The following IL1R1 variants were observed in gnomAD, a reference collection of about 807,000 sequenced individuals.
IL1R1 encodes the protein interleukin-1 receptor type 1.
Under a neutral mutation model 50.2 loss-of-function variants are expected in IL1R1, and 22 were observed. The observed-to-expected ratio is 0.44, with a 90% CI of 0.31 to 0.63. IL1R1 has a LOEUF of 0.63. Among genes scored for constraint, IL1R1 ranks in the 20% least tolerant of loss-of-function variants. The probability of loss-of-function intolerance (pLI) is 0.07; values close to 1 mark genes in which losing one functional copy is unlikely to be tolerated. For missense variants in IL1R1, 509 were observed against 676.2 expected (o/e 0.75, Z 2.74); for synonymous variants, 251 against 236.7 (o/e 1.06, Z -0.55).
At chr2:102,102,831 A>C (rs748977494), upstream of IL1R1, among the ~76,000 whole-genome samples, 2 of 152,224 alleles carry the variant, frequency 1.3e-5, no homozygotes, top group African/African-American at 2.4e-5. Context: ...AAAAAGAACA[A>C]GATCATGTCT....
At chr2:102,145,466 C>T (rs1308991554) in intron 1 of IL1R1, among the ~76,000 whole-genome samples, 8 of 152,168 alleles carry the variant, frequency 5.3e-5, no homozygotes, top group Admixed American at 2.6e-4. Flanking sequence ...AGGTCCCAGT[C>T]GCCTGCATGT....
At chr2:102,163,643 A>G (rs1281579353) in intron 3 of IL1R1, among the ~76,000 whole-genome samples, 2 of 152,036 alleles carry the variant, frequency 1.3e-5, no homozygotes, top group East Asian at 1.9e-4. Context: ...GTAATAAACT[A>G]TTTTAATTTT....
intron 1 of IL1R1, among the ~76,000 whole-genome samples, chr2:102,075,740 C>T (rs1289275896): frequency 1.3e-5 from 2 of 152,194 alleles, no homozygotes; most frequent in Non-Finnish European, 1.5e-5. Flanking sequence ...GAATGTAAAG[C>T]ATATCTTGGC....
chr2:102,172,589 A>G (rs753650570), intron 8 of IL1R1, 98 bp from the exon 9 acceptor site: 179 of 1,140,466 alleles, frequency 1.6e-4, no homozygotes, highest in Middle Eastern at 2.3e-4. Context: ...TTCAGTGGCA[A>G]TTTTGTCACA....
chr2:102,175,635 C>T lies in IL1R1; in HGVS notation c.1293C>T (p.Tyr431=), dbSNP rs201196509. ...TGTTCATTTATGGAAGGGATGACTA[C>T]GTTGGGGAAGGTATGTGTGTAATGG... is the stretch of plus-strand genomic sequence containing the variant. The part of the protein sequence containing the change: ...YKLFIYGRDD[Y]VGEDIVEVIN... Residue 431 remains tyrosine, a synonymous_variant, in exon 11 of 12, where the codon TAC becomes TAT. Coordinates refer to ENST00000410023, the MANE Select transcript of IL1R1 (RefSeq NM_000877.4). 1.4e-5 allele frequency: 22 copies of T among 1,613,820 alleles called. No homozygotes were observed. Among genetic ancestry groups the T allele is most frequent in the South Asian group, 6.6e-5 (6 of 91,078 alleles).
chr2:102,098,174 AT>A, intron 1 of IL1R1, among the ~76,000 whole-genome samples: 1 of 152,238 alleles, frequency 6.6e-6, no homozygotes, highest in African/African-American at 2.4e-5. Context: ...TTATTAATAG[AT>A]GCAAAAATAG....
At chr2:102,161,165 C>A (rs1684694018) in intron 3 of IL1R1, among the ~76,000 whole-genome samples, 1 of 152,112 alleles carries the variant, frequency 6.6e-6, no homozygotes. Context: ...GATACAAATA[C>A]TTTATATTCT....
intron 1 of IL1R1, among the ~76,000 whole-genome samples, chr2:102,151,670 A>C (rs1437113419): frequency 6.6e-6 from 1 of 152,228 alleles, no homozygotes; most frequent in African/African-American, 2.4e-5. Flanking sequence ...ACCTCGGTGC[A>C]TTGCACCAGG....
At chr2:102,078,600 A>ACACAC (rs57113618) in intron 1 of IL1R1, among the ~76,000 whole-genome samples, 7 of 146,594 alleles carry the variant, frequency 4.8e-5, no homozygotes, top group East Asian at 2.0e-4. Flanking sequence ...ACACACACAC[A>ACACAC]AGAAAAAAAA....
intron 1 of IL1R1, among the ~76,000 whole-genome samples, chr2:102,145,022 G>T (rs1682996286): frequency 1.3e-5 from 2 of 152,228 alleles, no homozygotes; most frequent in African/African-American, 2.4e-5. Flanking sequence ...GGGACATTAT[G>T]GAGAAGACAT....
chr2:102,137,205 G>A (rs1022831059), intron 1 of IL1R1, among the ~76,000 whole-genome samples: 2 of 152,058 alleles, frequency 1.3e-5, no homozygotes, highest in East Asian at 3.9e-4. Flanking sequence ...GAAGTTATAC[G>A]GTACAAGATA....
intron 8 of IL1R1, chr2:102,172,309 G>C (rs1221361014): frequency 5.1e-6 from 5 of 985,220 alleles, no homozygotes; most frequent in Non-Finnish European, 6.0e-6. Flanking sequence ...TCATCTATGG[G>C]ACAAGGATCT....
upstream of IL1R1, among the ~76,000 whole-genome samples, chr2:102,103,721 G>A (rs1206239762): frequency 1.3e-5 from 2 of 152,070 alleles, no homozygotes; most frequent in Non-Finnish European, 2.9e-5. Context: ...CAGGCCAGGT[G>A]CGGTGGCTCA....
At chr2:102,132,065 G>A (rs982591155) in intron 1 of IL1R1, among the ~76,000 whole-genome samples, 5 of 151,864 alleles carry the variant, frequency 3.3e-5, no homozygotes, top group Non-Finnish European at 7.4e-5. Flanking sequence ...GGAAAAAATT[G>A]TCAACCAAGA....
At chr2:102,167,649 C>T (rs997939242) in intron 6 of IL1R1, among the ~76,000 whole-genome samples, 11 of 151,870 alleles carry the variant, frequency 7.2e-5, no homozygotes, top group African/African-American at 1.9e-4. Flanking sequence ...GGGGTTTCAC[C>T]GTGTTAGCCA....
chr2:102,157,443 ATG>A (rs968738488), intron 2 of IL1R1, among the ~76,000 whole-genome samples: 1 of 152,156 alleles, frequency 6.6e-6, no homozygotes, highest in Admixed American at 6.5e-5. Context: ...AAGACTGGAA[ATG>A]TGTAATGGGA....
intron 1 of IL1R1, among the ~76,000 whole-genome samples, chr2:102,079,730 A>G (rs947106092): frequency 4.6e-5 from 7 of 152,136 alleles, no homozygotes; most frequent in African/African-American, 1.7e-4. Context: ...TATTGCAGAA[A>G]TTGAGAAACT....
At chr2:102,144,258 G>A (rs7580384) in intron 1 of IL1R1, among the ~76,000 whole-genome samples, 58,167 of 152,062 alleles carry the variant, frequency 0.38, 12,125 homozygotes, top group Admixed American at 0.46. Context: ...TGGGGCAGGG[G>A]TGTGGAACTC....
At chr2:102,117,605 T>C (rs928774844) in intron 1 of IL1R1, among the ~76,000 whole-genome samples, 12 of 152,246 alleles carry the variant, frequency 7.9e-5, no homozygotes, top group Non-Finnish European at 1.6e-4. Context: ...GTTCCCTGCA[T>C]ATTAATGTAT....
Sources: gnomAD v4.1 joint callset for allele counts (sites outside exome capture counted in the v4.1 genomes callset) on GRCh38, gnomAD v4.1.1 for gene constraint, MANE v1.5 for transcripts, NCBI Gene and HGNC (gene_info 2026-07-23, HGNC 2026-07-21) for gene names.